Variants in HNRNPL observed in about 807,000 individuals in gnomAD.
HNRNPL encodes epididymis secretory sperm binding protein.
In HNRNPL, 12 loss-of-function variants were observed where a neutral mutation model predicts 64.0. That is an observed-to-expected ratio of 0.19 (90% confidence interval 0.12 to 0.30). HNRNPL has a LOEUF of 0.30. Among genes scored for constraint, HNRNPL ranks in the 10% least tolerant of loss-of-function variants. The pLI, the probability that HNRNPL is intolerant of heterozygous loss-of-function variation, is 1.00. For synonymous variants in HNRNPL, 385 were observed against 313.0 expected, an observed-to-expected ratio of 1.23 and a Z score of -2.43; for missense variants, 484 against 797.4, an observed-to-expected ratio of 0.61 and a Z score of 4.73.
intron 8 of HNRNPL, 75 bp from the exon 9 acceptor site, chr19:38,839,090 G>A (rs550948499): frequency 7.0e-6 from 11 of 1,577,664 alleles, no homozygotes; most frequent in Admixed American, 1.7e-5. Context: ...CCAAGTTAGT[G>A]ATAATAACCC....
At chr19:38,847,564 A>C (rs138964860) in intron 1 of HNRNPL, 130 bp from the exon 2 acceptor site, 1 of 477,780 alleles carries the variant, frequency 2.1e-6, no homozygotes, top group African/African-American at 2.0e-5. Context: ...CACAGGAAAG[A>C]CTAGGGGCAG....
Position 38,849,931 on chromosome 19 carries a change from C to A in HNRNPL, c.36G>T (p.Arg12=). The A allele has an allele frequency of 7.4e-7, 1 of 1,360,294 alleles. No homozygotes were observed. Among genetic ancestry groups the A allele is most frequent in the Non-Finnish European group, 9.8e-7 (1 of 1,023,330 alleles). 84.3% of individuals were successfully genotyped at this position (1,360,294 alleles called of 1,614,324 possible). A position where few individuals can be genotyped will look rare whatever the true frequency, so the allele number is the denominator to read the frequency against. The change falls in exon 1 of 13, where the codon CGG becomes CGT. Residue 12 remains arginine, a synonymous_variant. Transcript: ENST00000221419. ...SRRLLPRAEK[R]RRRLEQRQQP... ...GCTGCCTCTGCTCCAGCCGCCGACG[C>A]CGCTTCTCCGCCCGGGGCAGCAGCC...
chr19:38,839,989 C>T (rs1972055426), intron 8 of HNRNPL, 107 bp downstream of exon 8: 12 of 1,031,438 alleles, frequency 1.2e-5, no homozygotes, highest in Admixed American at 5.6e-5. Flanking sequence ...CACTCATTGG[C>T]GTCTGCCCGC....
Position 38,840,216 on chromosome 19 carries a change from T to A in HNRNPL, c.1113A>T (p.Pro371=). ...CGGCGTGAGGGCCATACTCGGGTGG[T>A]GGGGGAGGGGGTGGGGGGTGCCCAT... The part of the protein sequence containing the change: ...PQYGHPPPPP[P]PPEYGPHADS... The change falls in exon 8 of 13, where the codon CCA becomes CCT. Residue 371 remains proline, a synonymous_variant. Coordinates refer to ENST00000221419, the MANE Select transcript of HNRNPL (RefSeq NM_001533.3). The A allele has an allele frequency of 2.0e-5, 1 of 49,660 alleles. No homozygotes were observed. Among genetic ancestry groups the A allele is most frequent in the Non-Finnish European group, 3.7e-5 (1 of 26,794 alleles). The allele number at this position is 49,660 out of a possible 1,614,324, so 3.1% of individuals were successfully genotyped here.
At chr19:38,836,884 C>G in intron 12 of HNRNPL, 104 bp from the exon 13 acceptor site, 1 of 810,610 alleles carries the variant, frequency 1.2e-6, no homozygotes, top group Admixed American at 2.2e-5. Context: ...AGGTCAACGG[C>G]AGGGGTCTAA....
At chr19:38,844,197 A>G in intron 4 of HNRNPL, 93 bp from the exon 5 acceptor site, 1 of 793,900 alleles carries the variant, frequency 1.3e-6, no homozygotes, top group East Asian at 2.5e-5. Context: ...TAGCACCCCA[A>G]GACTGTGGTA....
chr19:38,841,671 T>C (rs1156405262), intron 6 of HNRNPL: 2 of 1,278,660 alleles, frequency 1.6e-6, no homozygotes, highest in Non-Finnish European at 2.0e-6. Flanking sequence ...CCATCAAACA[T>C]ACACTGCGAC....
intron 6 of HNRNPL, chr19:38,842,001 C>T (rs900859827): frequency 1.5e-5 from 4 of 259,980 alleles, no homozygotes; most frequent in East Asian, 1.1e-4. Flanking sequence ...CTTGGGAGCG[C>T]GCCTGGTTAC....
Position 38,838,564 on chromosome 19 carries a change from A to G in HNRNPL, c.1390T>C (p.Ser464Pro), listed in dbSNP as rs1242405227. 6.2e-7 allele frequency: 1 copy of G among 1,614,134 alleles called. No homozygotes were observed. Among genetic ancestry groups the G allele is most frequent in the Non-Finnish European group, 8.5e-7 (1 of 1,180,004 alleles). The change falls in exon 10 of 13, where the codon TCA (serine) becomes CCA (proline). Residue 464 changes from serine (S) to proline (P), a missense_variant. Transcript: ENST00000221419. The part of the protein sequence containing the change: ...SKQPAIMPGQ[S>P]YGLEDGSCSY... Reference sequence around the variant, plus strand: ...CAAGACCCGTCTTCCAACCCGTATGACTGACCAGGCATGATGGCTGGCTGC... The same window carrying G: ...CAAGACCCGTCTTCCAACCCGTATGGCTGACCAGGCATGATGGCTGGCTGC...
chr19:38,849,397 C>A (rs1184917704), intron 1 of HNRNPL: 4 of 341,278 alleles, frequency 1.2e-5, no homozygotes, highest in East Asian at 4.4e-5. Context: ...GGGAAAAAAA[C>A]CGGCCGGGCC....
upstream of HNRNPL, among the ~76,000 whole-genome samples, chr19:38,851,721 G>A (rs756106581): frequency 3.9e-5 from 6 of 152,188 alleles, no homozygotes; most frequent in African/African-American, 7.2e-5. Context: ...CCGTGATCGC[G>A]CCCCTGCACT....
rs913595336 is a variant in HNRNPL, at chr19:38,849,613, G to A, written c.267+87C>T. 132 of 1,288,114 alleles carry A rather than the reference G, an allele frequency of 1.0e-4. 1 individual carries two copies. Among genetic ancestry groups the A allele is most frequent in the Middle Eastern group, 9.0e-4 (3 of 3,340 alleles). The allele number at this position is 1,288,114 out of a possible 1,614,324, so 79.8% of individuals were successfully genotyped here. A position where few individuals can be genotyped will look rare whatever the true frequency, so the allele number is the denominator to read the frequency against. On this transcript the variant is annotated intron_variant, in intron 1 of 12. Transcript: ENST00000221419. The stretch of plus-strand genomic sequence containing the variant: ...GCGATGGCCTGGGCGCGTGCGCAGA[G>A]GCCCCCCTCAAAAAATAAAATGCCC...
intron 2 of HNRNPL, among the ~76,000 whole-genome samples, chr19:38,847,093 GAC>G (rs1972324225): frequency 6.6e-6 from 1 of 152,074 alleles, no homozygotes; most frequent in Admixed American, 6.6e-5. Flanking sequence ...AGAGAACACT[GAC>G]TAGAAACTAC....
upstream of HNRNPL, chr19:38,850,308 C>T (rs900763706): frequency 1.9e-5 from 5 of 262,348 alleles, no homozygotes; most frequent in Middle Eastern, 1.1e-3. Flanking sequence ...AGAATCTCCG[C>T]CTCCCTCCCA....
chr19:38,845,390 T>C (rs1484202974), intron 4 of HNRNPL: 1 of 459,756 alleles, frequency 2.2e-6, no homozygotes, highest in Non-Finnish European at 3.9e-6. Context: ...AATAAGTAAA[T>C]AACAGAAAGA....
chr19:38,838,948 C>T lies in HNRNPL; in HGVS notation c.1301G>A (p.Arg434Gln). Residue 434 changes from arginine (R) to glutamine (Q), a missense_variant, in exon 9 of 13, where the codon CGG becomes CAG. Coordinates refer to ENST00000221419, the MANE Select transcript of HNRNPL (RefSeq NM_001533.3). The part of the protein sequence containing the change: ...VEMADGYAVD[R>Q]AITHLNNNFM... ...GTTGTTGTTGAGGTGGGTAATGGCC[C>T]GGTCTACAGCGTAGCCATCAGCCAT... The T allele has an allele frequency of 3.1e-6, 5 of 1,614,132 alleles. No individual in the cohort carries two copies. Among genetic ancestry groups the T allele is most frequent in the Non-Finnish European group, 4.2e-6 (5 of 1,180,024 alleles).
chr19:38,841,043 T>C (rs1972100361), intron 6 of HNRNPL: 1 of 190,918 alleles, frequency 5.2e-6, no homozygotes. Flanking sequence ...CTCTGTTAGA[T>C]CCCTTCTTTC....
intron 12 of HNRNPL, 102 bp downstream of exon 12, chr19:38,837,282 T>TC (rs1355305987): frequency 1.1e-6 from 1 of 880,126 alleles, no homozygotes; most frequent in East Asian, 2.5e-5. Context: ...AGTGCGAAGA[T>TC]CCCGGGGTCC....
At chr19:38,837,133 A>G in intron 12 of HNRNPL, 1 of 568,714 alleles carries the variant, frequency 1.8e-6, no homozygotes, top group Non-Finnish European at 3.1e-6. Flanking sequence ...AAAGAAGAGA[A>G]TGCCACCTCC....
Sources: gnomAD v4.1 joint callset for allele counts (sites outside exome capture counted in the v4.1 genomes callset) on GRCh38, gnomAD v4.1.1 for gene constraint, MANE v1.5 for transcripts, NCBI Gene and HGNC (gene_info 2026-07-23, HGNC 2026-07-21) for gene names.